Variants in PPP1CA observed in about 807,000 individuals in gnomAD.
The protein encoded by PPP1CA is protein phosphatase 1 catalytic subunit alpha.
PPP1CA carries 14 observed loss-of-function variants against 38.5 expected under a neutral mutation model. The ratio of observed to expected loss-of-function variants is 0.36; its 90% CI spans 0.24 to 0.57. PPP1CA has a LOEUF of 0.57. PPP1CA is among the 20% of genes least tolerant of loss of function. The probability of loss-of-function intolerance (pLI) is 0.80; values close to 1 mark genes in which losing one functional copy is unlikely to be tolerated. For synonymous variants in PPP1CA, 200 were observed against 177.3 expected, an observed-to-expected ratio of 1.13 and a Z score of -1.02; for missense variants, 277 against 435.2, an observed-to-expected ratio of 0.64 and a Z score of 3.23.
At chr11:67,399,213 C>T in intron 4 of PPP1CA, 50 bp from the exon 5 acceptor site, 2 of 1,549,078 alleles carry the variant, frequency 1.3e-6, no homozygotes, top group Non-Finnish European at 1.8e-6. Context: ...ATCCTCCCTC[C>T]AGGAAGCCTT....
intron 1 of PPP1CA, 188 bp from the exon 2 acceptor site, chr11:67,401,387 T>C: frequency 1.0e-6 from 1 of 991,562 alleles, no homozygotes; most frequent in Non-Finnish European, 1.4e-6. Flanking sequence ...CCAGCTACCC[T>C]CAGCGCCTCG....
Position 67,400,417 on chromosome 11 carries a change from C to T in PPP1CA, c.418+272G>A, listed in dbSNP as rs970262899. Among the ~76,000 whole-genome samples, 4 of 152,230 alleles carry T rather than the reference C, an allele frequency of 2.6e-5. No individual in the cohort carries two copies. In the East Asian group the frequency reaches 7.7e-4, roughly 29 times the overall value. On this transcript the variant is annotated intron_variant, in intron 3 of 6. Coordinates refer to ENST00000376745, the MANE Select transcript of PPP1CA (RefSeq NM_002708.4). ...ACAGCAGAGCCCATCTGCAAACATC[C>T]TAAGTGCTTAGTAGCAAATGTAGGG... is the stretch of plus-strand genomic sequence containing the variant.
At chr11:67,401,572 T>G in intron 1 of PPP1CA, 156 bp downstream of exon 1, 1 of 640,486 alleles carries the variant, frequency 1.6e-6, no homozygotes, top group East Asian at 3.6e-5. Context: ...CCCGGACCTC[T>G]CAGGCGCGTC....
chr11:67,398,428 C>T lies in PPP1CA; in HGVS notation c.*107G>A, dbSNP rs1006349552. 4 of 1,088,964 alleles carry T rather than the reference C, an allele frequency of 3.7e-6. No homozygotes were observed. The highest frequency in any genetic ancestry group is 5.3e-6 in the Non-Finnish European group (4 of 748,402). 67.5% of individuals were successfully genotyped at this position (1,088,964 alleles called of 1,614,324 possible). A position where few individuals can be genotyped will look rare whatever the true frequency, so the allele number is the denominator to read the frequency against. On this transcript the variant is annotated 3_prime_UTR_variant, in exon 7 of 7. Coordinates refer to ENST00000376745, the MANE Select transcript of PPP1CA (RefSeq NM_002708.4). ...GAAAAATACACCAAGGCTCCATGTT[C>T]CCCGTGACAGGTGGGCCTGAGGGGT...
rs547598243 is a variant in PPP1CA at position 67,401,146 on chromosome 11, C to G, written c.109G>C (p.Gly37Arg). The change falls in exon 2 of 7, where the codon GGT (glycine) becomes CGT (arginine). Residue 37 changes from glycine to arginine, a missense_variant. Physicochemically the swap from Gly to Arg is moderately radical, Grantham distance 125 (BLOSUM62 -2). Around this residue, in one of 3 missense-constraint regions of PPP1CA, gnomAD observed 180 missense variants for 356.7 expected, o/e 0.50. Coordinates refer to ENST00000376745, the MANE Select transcript of PPP1CA (RefSeq NM_002708.4). ...ATCTCCCGGGATTTCAGGCACAGAC[C>G]GCGGATCTCGTTCTCTGTCAGCTGT... ...NVQLTENEIR[G>R]LCLKSREIFL... 2 of 1,613,980 alleles carry G rather than the reference C, an allele frequency of 1.2e-6. No individual in the cohort carries two copies. The highest frequency in any genetic ancestry group is 1.7e-6 in the Non-Finnish European group (2 of 1,180,014).
Position 67,398,970 on chromosome 11 carries a change from G to A in PPP1CA, c.717C>T (p.His239=), listed in dbSNP as rs760322645. ...AEVVAKFLHK[H]DLDLICRAHQ... ...GTGCTCGGCAGATGAGGTCCAAGTCGTGCTTGTGGAGGAACTTGGCCACCA... is the reference window on the plus strand; with the variant it reads ...GTGCTCGGCAGATGAGGTCCAAGTCATGCTTGTGGAGGAACTTGGCCACCA... Residue 239 remains histidine, a synonymous_variant, in exon 5 of 7, where the codon CAC becomes CAT. Transcript: ENST00000376745. 2.2e-5 allele frequency: 36 copies of A among 1,613,242 alleles called. No homozygotes were observed. The highest frequency in any genetic ancestry group is 1.1e-4 in the East Asian group (5 of 44,892).
At position 67,401,796 on chromosome 11, in the gene PPP1CA, C is replaced by T; in HGVS notation, c.-14G>A. 1 of 1,466,380 alleles carries T rather than the reference C, an allele frequency of 6.8e-7. No homozygotes were observed. The highest frequency in any genetic ancestry group is 9.1e-7 in the Non-Finnish European group (1 of 1,099,702). The allele number at this position is 1,466,380 out of a possible 1,614,324, so 90.8% of individuals were successfully genotyped here. ...GCTGTCGGACATGGCGGCGCCGCCG[C>T]TCCAGCCCAGCAGCTCCTGGCCCGC... On this transcript the variant is annotated 5_prime_UTR_variant, in exon 1 of 7. Coordinates refer to ENST00000376745, the MANE Select transcript of PPP1CA (RefSeq NM_002708.4).
At chr11:67,400,052 G>A (rs1312816102) in intron 3 of PPP1CA, among the ~76,000 whole-genome samples, 3 of 152,158 alleles carry the variant, frequency 2.0e-5, no homozygotes, top group Non-Finnish European at 2.9e-5. Flanking sequence ...CAGGAGAATC[G>A]CTTGAACCCA....
rs1232562330 is a variant in PPP1CA, at chr11:67,399,651, T to C, written c.433A>G (p.Asn145Asp). The part of the protein sequence containing the change: ...GFYDECKRRY[N>D]IKLWKTFTDC... ...GTGAAGGTTTTCCACAGTTTGATGT[T>C]GTAGCGTCTCTTGCCTGCCCAGGGG... Residue 145 changes from asparagine to aspartate, a missense_variant, in exon 4 of 7, where the codon AAC becomes GAC. Physicochemically the swap from Asn to Asp is conservative, Grantham distance 23. This residue lies in a region of PPP1CA where 180 missense variants were observed against 356.7 expected (regional missense o/e 0.50). Coordinates refer to ENST00000376745, the MANE Select transcript of PPP1CA (RefSeq NM_002708.4). The C allele has an allele frequency of 6.2e-7, 1 of 1,613,742 alleles. No individual in the cohort carries two copies. Among genetic ancestry groups the C allele is most frequent in the African/African-American group, 1.3e-5 (1 of 74,928 alleles).
chr11:67,400,450 C>T (rs1200493389), intron 3 of PPP1CA, among the ~76,000 whole-genome samples: 1 of 152,242 alleles, frequency 6.6e-6, no homozygotes, highest in Non-Finnish European at 1.5e-5. Flanking sequence ...GGGGGAGTGT[C>T]ACCAGGCAGG....
At position 67,398,570 on chromosome 11, in the gene PPP1CA, T is replaced by C; in HGVS notation, c.958A>G (p.Thr320Ala). 3.1e-6 allele frequency: 5 copies of C among 1,613,682 alleles called. No individual in the cohort carries two copies. The highest frequency in any genetic ancestry group is 4.2e-6 in the Non-Finnish European group (5 of 1,179,894). Residue 320 changes from threonine (T) to alanine (A), a missense_variant, in exon 7 of 7, where the codon ACC (threonine) becomes GCC (alanine). Thr to Ala is a moderately conservative substitution (Grantham distance 58, BLOSUM62 0). Transcript: ENST00000376745. The part of the protein sequence containing the change: ...SGLNPGGRPI[T>A]PPRNSAKAKK ...GCTTTGGCGGAATTGCGGGGTGGGGTGATGGGTCGGCCTCCAGGGTTCAGG... is the reference window on the plus strand; with the variant it reads ...GCTTTGGCGGAATTGCGGGGTGGGGCGATGGGTCGGCCTCCAGGGTTCAGG...
intron 3 of PPP1CA, 22 bp downstream of exon 3, chr11:67,400,667 C>G: frequency 6.2e-7 from 1 of 1,610,932 alleles, no homozygotes; most frequent in Non-Finnish European, 8.5e-7. Flanking sequence ...CCCGGGCAGC[C>G]CCAGACGCTC....
chr11:67,401,486 C>A, intron 1 of PPP1CA: 1 of 590,650 alleles, frequency 1.7e-6, no homozygotes. Flanking sequence ...GTTTCTCCCT[C>A]GCCCCAAGAG....
chr11:67,398,268 A>C lies in PPP1CA; in HGVS notation c.*267T>G, dbSNP rs1862780545. The C allele has an allele frequency of 4.0e-6, 2 of 501,650 alleles. No homozygotes were observed. The highest frequency in any genetic ancestry group is 3.9e-5 in the African/African-American group (2 of 51,820). 31.1% of individuals were successfully genotyped at this position (501,650 alleles called of 1,614,324 possible). On this transcript the variant is annotated 3_prime_UTR_variant, in exon 7 of 7. Coordinates refer to ENST00000376745, the MANE Select transcript of PPP1CA (RefSeq NM_002708.4). Reference sequence around the variant, plus strand: ...CAGCCCTGAGGCCAAGCACGGCTGGAGACCCACGACCTGGCCTGCCGTTGC... The same window carrying C: ...CAGCCCTGAGGCCAAGCACGGCTGGCGACCCACGACCTGGCCTGCCGTTGC...
At position 67,398,349 on chromosome 11, in the gene PPP1CA, A is replaced by G. The variant is rs1406501325; in HGVS notation, c.*186T>C. 1 of 641,950 alleles carries G rather than the reference A, an allele frequency of 1.6e-6. No individual in the cohort carries two copies. Among genetic ancestry groups the G allele is most frequent in the Non-Finnish European group, 2.6e-6 (1 of 381,760 alleles). The allele number at this position is 641,950 out of a possible 1,614,324, so 39.8% of individuals were successfully genotyped here. A position where few individuals can be genotyped will look rare whatever the true frequency, so the allele number is the denominator to read the frequency against. ...GCTCACAGTCACCGCAGGTGCAGGC[A>G]GGAAGCAGCCCTGGGGGACTGGACG... On this transcript the variant is annotated 3_prime_UTR_variant, in exon 7 of 7. Transcript: ENST00000376745.
Position 67,399,551 on chromosome 11 carries a change from C to A in PPP1CA, c.523+10G>T. Reference sequence around the variant, plus strand: ...CAGTGCTCCTCCTCCCCAGCCATCCCCTCCCTCACCTCCGTGGCAGCAGAA... The same window carrying A: ...CAGTGCTCCTCCTCCCCAGCCATCCACTCCCTCACCTCCGTGGCAGCAGAA... On this transcript the variant is annotated intron_variant, in intron 4 of 6. Coordinates refer to ENST00000376745, the MANE Select transcript of PPP1CA (RefSeq NM_002708.4). 6.2e-7 allele frequency: 1 copy of A among 1,613,232 alleles called. No individual in the cohort carries two copies. Among genetic ancestry groups the A allele is most frequent in the East Asian group, 2.2e-5 (1 of 44,874 alleles).
Position 67,398,283 on chromosome 11 carries a change from C to T in PPP1CA, c.*252G>A, listed in dbSNP as rs1366401335. On this transcript the variant is annotated 3_prime_UTR_variant, in exon 7 of 7. Coordinates refer to ENST00000376745, the MANE Select transcript of PPP1CA (RefSeq NM_002708.4). The stretch of plus-strand genomic sequence containing the variant: ...GCACGGCTGGAGACCCACGACCTGG[C>T]CTGCCGTTGCCCTGAGCTGCAGCCT... 4.0e-5 allele frequency: 21 copies of T among 526,664 alleles called. No homozygotes were observed. Among genetic ancestry groups the T allele is most frequent in the Non-Finnish European group, 6.7e-5 (20 of 298,110 alleles). The allele number at this position is 526,664 out of a possible 1,614,324, so 32.6% of individuals were successfully genotyped here. A position where few individuals can be genotyped will look rare whatever the true frequency, so the allele number is the denominator to read the frequency against.
At chr11:67,401,312 C>A (rs1862883973) in intron 1 of PPP1CA, 113 bp from the exon 2 acceptor site, 3 of 1,534,324 alleles carry the variant, frequency 2.0e-6, no homozygotes, top group Non-Finnish European at 2.7e-6. Flanking sequence ...CCCCTCCTTG[C>A]CCACAGGCAG....
rs765908794 is a variant in PPP1CA, at chr11:67,398,690, G to A, written c.882+32C>T. On this transcript the variant is annotated intron_variant, in intron 6 of 6. Transcript: ENST00000376745. The stretch of plus-strand genomic sequence containing the variant: ...TCAGGCTCATGGGGCTGAGCCACAG[G>A]GCCTAGCGGCTCCTTTCTTCCCCAC... 8 of 1,612,938 alleles carry A rather than the reference G, an allele frequency of 5.0e-6. No individual in the cohort carries two copies. In the African/African-American group the frequency reaches 9.3e-5, roughly 19 times the overall value.
Sources: gnomAD v4.1 joint callset for allele counts (sites outside exome capture counted in the v4.1 genomes callset) on GRCh38, gnomAD v4.1.1 for gene constraint, gnomAD v4.1.1 regional missense constraint, MANE v1.5 for transcripts, NCBI Gene and HGNC (gene_info 2026-07-23, HGNC 2026-07-21) for gene names.